The following NSUN4 variants were observed in gnomAD, a reference collection of about 807,000 sequenced individuals.
NSUN4 encodes the protein 5-cytosine rRNA methyltransferase NSUN4.
A neutral mutation model predicts 43.8 loss-of-function variants in NSUN4; 31 were observed. The ratio of observed to expected loss-of-function variants is 0.71; its 90% confidence interval spans 0.53 to 0.96. The LOEUF is 0.96. Among genes scored for constraint, NSUN4 ranks in the 40% least tolerant of loss-of-function variants. The pLI is 0.00. For synonymous variants in NSUN4, 167 were observed against 184.1 expected (o/e 0.91, Z 0.75); for missense variants, 439 against 475.6 (o/e 0.92, Z 0.72).
At chr1:46,378,604 T>A in the NSUN4 span, among the ~76,000 whole-genome samples, 3 of 152,250 alleles carry the variant, frequency 2.0e-5, no homozygotes, top group Non-Finnish European at 4.4e-5. Flanking sequence ...CGGTTACTTA[T>A]CTGGGCAATG....
chr1:46,366,290 A>G (rs1234708272), downstream of NSUN4, among the ~76,000 whole-genome samples: 1 of 152,216 alleles, frequency 6.6e-6, no homozygotes, highest in Non-Finnish European at 1.5e-5. Flanking sequence ...AAACCATGTA[A>G]GAAGGAAAGA....
the NSUN4 span, among the ~76,000 whole-genome samples, chr1:46,376,427 T>C: frequency 1.5e-3 from 225 of 150,830 alleles, 2 homozygotes; most frequent in East Asian, 0.014. Flanking sequence ...AAAAGCATAG[T>C]AGTAAAGATG....
At position 46,347,011 on chromosome 1, in the gene NSUN4, C is replaced by G; in HGVS notation, c.528C>G (p.Ile176Met). The G allele has an allele frequency of 6.2e-7, 1 of 1,614,158 alleles. No individual in the cohort carries two copies. The highest frequency in any genetic ancestry group is 8.5e-7 in the Non-Finnish European group (1 of 1,180,016). Residue 176 changes from isoleucine to methionine, a missense_variant, in exon 3 of 6, where the codon ATC (isoleucine) becomes ATG (methionine). By Grantham distance (10) the Ile-to-Met change is conservative. Coordinates refer to ENST00000474844, the MANE Select transcript of NSUN4 (RefSeq NM_199044.4). ...VLALGLQPGDIVLDLCAAPGG... is the reference protein window; with the variant it reads ...VLALGLQPGDMVLDLCAAPGG... ...CCCTCGGCCTGCAGCCTGGGGACAT[C>G]GTGCTTGACCTATGTGCAGCTCCTG... is the stretch of plus-strand genomic sequence containing the variant.
At chr1:46,378,317 C>T in the NSUN4 span, among the ~76,000 whole-genome samples, 12 of 152,028 alleles carry the variant, frequency 7.9e-5, no homozygotes. Flanking sequence ...CCTGCCTCAG[C>T]CTCCTGAGTA....
At chr1:46,343,841 G>T (rs894702168) in intron 1 of NSUN4, 103 of 400,694 alleles carry the variant, frequency 2.6e-4, no homozygotes, top group Non-Finnish European at 4.3e-4. Flanking sequence ...CCCCAACATG[G>T]CAAAGGTCAA....
downstream of NSUN4, among the ~76,000 whole-genome samples, chr1:46,368,194 A>G (rs758576700): frequency 2.0e-5 from 3 of 151,954 alleles, no homozygotes; most frequent in Non-Finnish European, 4.4e-5. Flanking sequence ...CTATTACTCC[A>G]ATCAGCCCTA....
chr1:46,366,827 C>T (rs575428219), downstream of NSUN4, among the ~76,000 whole-genome samples: 1 of 151,840 alleles, frequency 6.6e-6, no homozygotes, highest in South Asian at 2.1e-4. Flanking sequence ...GCAGTATTGC[C>T]TCAGTCTTGT....
At chr1:46,361,199 C>T (rs1485375149) in intron 5 of NSUN4, among the ~76,000 whole-genome samples, 1 of 152,088 alleles carries the variant, frequency 6.6e-6, no homozygotes, top group Admixed American at 6.6e-5. Flanking sequence ...GATATATATA[C>T]TAGAGTGGGC....
At chr1:46,374,267 CAA>C in the NSUN4 span, among the ~76,000 whole-genome samples, 3 of 83,262 alleles carry the variant, frequency 3.6e-5, no homozygotes, top group East Asian at 3.6e-4. Flanking sequence ...ACCTGGGCAA[CAA>C]GAGTAAATCT....
At chr1:46,366,119 C>T (rs1264292279), downstream of NSUN4, among the ~76,000 whole-genome samples, 1 of 152,080 alleles carries the variant, frequency 6.6e-6, no homozygotes, top group African/African-American at 2.4e-5. Flanking sequence ...CAGAGGGAGA[C>T]TCTGTCTCAA....
chr1:46,355,612 C>G (rs896373434), intron 4 of NSUN4, among the ~76,000 whole-genome samples: 1 of 152,120 alleles, frequency 6.6e-6, no homozygotes, highest in Non-Finnish European at 1.5e-5. Flanking sequence ...ATTATTATTT[C>G]CATTCATTGA....
chr1:46,350,975 A>G (rs886713589), intron 3 of NSUN4, among the ~76,000 whole-genome samples: 2 of 152,240 alleles, frequency 1.3e-5, no homozygotes, highest in African/African-American at 4.8e-5. Flanking sequence ...TCTCCCAATT[A>G]TGTCAGCCTT....
the NSUN4 span, among the ~76,000 whole-genome samples, chr1:46,371,463 G>A: frequency 4.6e-5 from 7 of 152,130 alleles, no homozygotes; most frequent in African/African-American, 1.2e-4. Flanking sequence ...CTGCCTCCAC[G>A]CCTGGCTAAT....
chr1:46,356,619 T>C (rs112068407), intron 4 of NSUN4, among the ~76,000 whole-genome samples: 34,005 of 150,932 alleles, frequency 0.23, 4,260 homozygotes, highest in Non-Finnish European at 0.29. Flanking sequence ...GTAAACCCTG[T>C]GGGGCAGAGC....
chr1:46,348,645 G>T (rs1356814145), intron 3 of NSUN4, among the ~76,000 whole-genome samples: 1 of 143,958 alleles, frequency 6.9e-6, no homozygotes, highest in Non-Finnish European at 1.5e-5. Flanking sequence ...GGAGATGGAG[G>T]TTGCAGTGAG....
chr1:46,358,087 G>GTATT (rs3063973), intron 4 of NSUN4, among the ~76,000 whole-genome samples: 1,792 of 151,662 alleles, frequency 0.012, 72 homozygotes, highest in East Asian at 0.079. Context: ...GCTAATTTTT[G>GTATT]TATTTATTTA....
intron 3 of NSUN4, among the ~76,000 whole-genome samples, chr1:46,352,217 A>G (rs1366965018): frequency 2.0e-5 from 3 of 151,142 alleles, no homozygotes; most frequent in Non-Finnish European, 4.4e-5. Flanking sequence ...TTGGGAGGCC[A>G]AGGCAGGCGG....
intron 3 of NSUN4, among the ~76,000 whole-genome samples, chr1:46,351,699 C>G (rs1005582064): frequency 5.3e-4 from 66 of 123,750 alleles, no homozygotes; most frequent in African/African-American, 2.0e-3. Flanking sequence ...GAGCCTTGCT[C>G]TGTCGCCCAG....
Position 46,346,951 on chromosome 1 carries a change from C to T in NSUN4, c.468C>T (p.Tyr156=). The stretch of plus-strand genomic sequence containing the variant: ...GCAGCCTGGGTGTCATGGAGTACTA[C>T]CTGATGGATGCTGCCTCCTTGCTGC... ...RPGSLGVMEY[Y]LMDAASLLPV... is the part of the protein sequence containing the mutation. Residue 156 remains tyrosine (Y), a synonymous_variant, in exon 3 of 6, where the codon TAC becomes TAT. Transcript: ENST00000474844. 2 of 1,614,092 alleles carry T rather than the reference C, an allele frequency of 1.2e-6. No individual in the cohort carries two copies. Among genetic ancestry groups the T allele is most frequent in the South Asian group, 2.2e-5 (2 of 91,074 alleles).
Sources: allele counts gnomAD v4.1 joint callset (sites outside exome capture counted in the v4.1 genomes callset), GRCh38; gene constraint gnomAD v4.1.1; transcripts MANE v1.5; gene names NCBI Gene and HGNC (gene_info 2026-07-23, HGNC 2026-07-21).